TASOR2: variants seen among roughly 807,000 people sequenced by gnomAD.
TASOR2 encodes the protein transcription activation suppressor family member 2.
A neutral mutation model predicts 199.5 loss-of-function variants in TASOR2; 84 were observed. The observed-to-expected ratio is 0.42, with a 90% CI of 0.35 to 0.50. TASOR2 has a LOEUF of 0.50. Among genes scored for constraint, TASOR2 ranks in the 20% least tolerant of loss-of-function variants. The pLI, the probability that TASOR2 is intolerant of heterozygous loss-of-function variation, is 0.02. For synonymous variants in TASOR2, 1,103 were observed against 1,046.6 expected (o/e 1.05, Z -1.04); for missense variants, 2,796 against 2,835.9 (o/e 0.99, Z 0.32).
At chr10:5,743,019 AT>A (rs1836657830) in intron 14 of TASOR2, among the ~76,000 whole-genome samples, 1 of 152,252 alleles carries the variant, frequency 6.6e-6, no homozygotes, top group Non-Finnish European at 1.5e-5. Context: ...GCAAATAACT[AT>A]TTGTAAATAT....
At chr10:5,688,258 T>C (rs1013398105) in intron 1 of TASOR2, among the ~76,000 whole-genome samples, 2 of 152,212 alleles carry the variant, frequency 1.3e-5, no homozygotes, top group Non-Finnish European at 2.9e-5. Context: ...AGTGTCTTGC[T>C]CTGTCGCCCA....
Position 5,740,405 on chromosome 10 carries a change from C to G in TASOR2, c.2235C>G (p.Ile745Met). Reference sequence around the variant, plus strand: ...TTAGCTGTGATGACTCCGTTAAGATCACTTTCAAATGTGAAACAGAATATG... The same window carrying G: ...TTAGCTGTGATGACTCCGTTAAGATGACTTTCAAATGTGAAACAGAATATG... The change falls in exon 13 of 21, where the codon ATC (isoleucine) becomes ATG (methionine). Residue 745 changes from isoleucine (I) to methionine (M), a missense_variant. This residue lies in a region of TASOR2 where 847 missense variants were observed against 887.4 expected (regional missense o/e 0.95). Coordinates refer to ENST00000328090, the Ensembl canonical transcript of TASOR2. This position sits in a 1 kb window ranked among gnomAD's most constrained non-coding sequence, Gnocchi z 5.3. 1 of 1,614,174 alleles carries G rather than the reference C, an allele frequency of 6.2e-7. No individual in the cohort carries two copies. Among genetic ancestry groups the G allele is most frequent in the Non-Finnish European group, 8.5e-7 (1 of 1,180,028 alleles).
At position 5,710,247 on chromosome 10, in the gene TASOR2, G is replaced by A. The variant is rs1407306889; in HGVS notation, c.-287-2576G>A. On this transcript the variant is annotated intron_variant, in intron 1 of 20. Coordinates refer to ENST00000328090, the Ensembl canonical transcript of TASOR2. The surrounding 1 kb of genome is among the most constrained non-coding windows in gnomAD (Gnocchi z 4.6). Reference sequence around the variant, plus strand: ...GTGCTTTCTTGAGAGTGTAATTGATGTCATTATGAACCCATGAAAGATTTA... The same window carrying A: ...GTGCTTTCTTGAGAGTGTAATTGATATCATTATGAACCCATGAAAGATTTA... Among the ~76,000 whole-genome samples the A allele has an allele frequency of 6.6e-6, 1 of 152,058 alleles. No individual in the cohort carries two copies. Among genetic ancestry groups the A allele is most frequent in the Non-Finnish European group, 1.5e-5 (1 of 67,950 alleles).
At chr10:5,728,168 C>A (rs1047410520) in intron 10 of TASOR2, among the ~76,000 whole-genome samples, 1 of 149,652 alleles carries the variant, frequency 6.7e-6, no homozygotes, top group Non-Finnish European at 1.5e-5. Flanking sequence ...TTGCAGCGAG[C>A]CAAGACTGTG....
At chr10:5,733,170 A>C (rs1835071972) in intron 11 of TASOR2, among the ~76,000 whole-genome samples, 1 of 152,192 alleles carries the variant, frequency 6.6e-6, no homozygotes, top group African/African-American at 2.4e-5. Flanking sequence ...ATTTCAAAAA[A>C]AAATTATGTG....
At position 5,757,503 on chromosome 10, in the gene TASOR2, C is replaced by G; in HGVS notation, c.6733-17C>G. The G allele has an allele frequency of 6.3e-7, 1 of 1,582,978 alleles. No homozygotes were observed. Among genetic ancestry groups the G allele is most frequent in the South Asian group, 1.2e-5 (1 of 85,406 alleles). On this transcript the variant is annotated splice_polypyrimidine_tract_variant and intron_variant, in intron 16 of 20. Coordinates refer to ENST00000328090, the Ensembl canonical transcript of TASOR2. ...CAGTGAGCCTCTCTTCACCGGGGTC[C>G]TTTTTGTGTCATGCAGATTCCTTCT...
intron 1 of TASOR2, among the ~76,000 whole-genome samples, chr10:5,693,186 C>T (rs2131497106): frequency 6.6e-6 from 1 of 152,308 alleles, no homozygotes; most frequent in African/African-American, 2.4e-5. Context: ...GGCTTAACTT[C>T]ACTCCTGATT....
rs1836297178 is a variant in TASOR2 at position 5,690,476 on chromosome 10, T to C, written c.-288+5301T>C. Among the ~76,000 whole-genome samples the C allele has an allele frequency of 6.6e-6, 1 of 152,224 alleles. No individual in the cohort carries two copies. Among genetic ancestry groups the C allele is most frequent in the Non-Finnish European group, 1.5e-5 (1 of 68,044 alleles). On this transcript the variant is annotated intron_variant, in intron 1 of 20. Transcript: ENST00000328090. This position sits in a 1 kb window ranked among gnomAD's most constrained non-coding sequence, Gnocchi z 4.8. Reference sequence around the variant, plus strand: ...CTGAGGTTTGTCCAGTTGGGGCACCTACTTTACCCTTGTGCATATCCCCTA... The same window carrying C: ...CTGAGGTTTGTCCAGTTGGGGCACCCACTTTACCCTTGTGCATATCCCCTA...
chr10:5,687,247 A>C lies in TASOR2; in HGVS notation c.-288+2072A>C, dbSNP rs1835905299. Among the ~76,000 whole-genome samples the C allele has an allele frequency of 6.6e-6, 1 of 152,222 alleles. No individual in the cohort carries two copies. Among genetic ancestry groups the C allele is most frequent in the Admixed American group, 6.5e-5 (1 of 15,282 alleles). ...GAAACCTTTTGTGTGTTTCTACCCCAGGAGGAATGCGTTCCCTGCCCCCCG... is the reference window on the plus strand; with the variant it reads ...GAAACCTTTTGTGTGTTTCTACCCCCGGAGGAATGCGTTCCCTGCCCCCCG... On this transcript the variant is annotated intron_variant, in intron 1 of 20. Transcript: ENST00000328090. This position sits in a 1 kb window ranked among gnomAD's most constrained non-coding sequence, Gnocchi z 4.8.
Position 5,722,546 on chromosome 10 carries a change from A to G in TASOR2, c.147-1131A>G, listed in dbSNP as rs1324631333. Among the ~76,000 whole-genome samples, 1 of 152,168 alleles carries G rather than the reference A, an allele frequency of 6.6e-6. No homozygotes were observed. The highest frequency in any genetic ancestry group is 1.5e-5 in the Non-Finnish European group (1 of 68,022). Reference sequence around the variant, plus strand: ...GCATCAGGTTTGCATCTTACTCCCAAAAGGTTCAGAAAAAAATAATGCGTG... The same window carrying G: ...GCATCAGGTTTGCATCTTACTCCCAGAAGGTTCAGAAAAAAATAATGCGTG... On this transcript the variant is annotated intron_variant, in intron 6 of 20. Transcript: ENST00000328090. The surrounding 1 kb of genome is among the most constrained non-coding windows in gnomAD (Gnocchi z 4.0).
At chr10:5,741,355 G>C (rs1836399861) in intron 13 of TASOR2, among the ~76,000 whole-genome samples, 1 of 152,154 alleles carries the variant, frequency 6.6e-6, no homozygotes, top group African/African-American at 2.4e-5. Flanking sequence ...TTGACATTCA[G>C]CTCCCTATTA....
Position 5,720,261 on chromosome 10 carries a change from GA to G in TASOR2, c.-99-279del. The G allele has an allele frequency of 1.0e-6, 1 of 985,288 alleles. No individual in the cohort carries two copies. The highest frequency in any genetic ancestry group is 1.2e-6 in the Non-Finnish European group (1 of 829,880). 61.0% of individuals were successfully genotyped at this position (985,288 alleles called of 1,614,324 possible). On this transcript the variant is annotated intron_variant, in intron 3 of 20. Transcript: ENST00000328090. This position sits in a 1 kb window ranked among gnomAD's most constrained non-coding sequence, Gnocchi z 5.3. ...TTAGTTTTAATATTTTCATTCTAGG[GA>G]AAAGTCAAGTTTGTGTCTGAGAATT...
intron 1 of TASOR2, among the ~76,000 whole-genome samples, chr10:5,709,275 G>A (rs1408605339): frequency 2.0e-5 from 3 of 152,060 alleles, no homozygotes; most frequent in Non-Finnish European, 4.4e-5. Context: ...AGGCAAAAGC[G>A]ATTAAGCATA....
Position 5,738,359 on chromosome 10 carries a change from C to T in TASOR2, c.1448-1259C>T, listed in dbSNP as rs951909680. 6.6e-6 allele frequency among the ~76,000 whole-genome samples: 1 copy of T among 151,878 alleles called. No individual in the cohort carries two copies. Among genetic ancestry groups the T allele is most frequent in the East Asian group, 1.9e-4 (1 of 5,182 alleles). On this transcript the variant is annotated intron_variant, in intron 12 of 20. Transcript: ENST00000328090. This position sits in a 1 kb window ranked among gnomAD's most constrained non-coding sequence, Gnocchi z 4.7. ...TAATACAGTATCTTTTATATTAGGCCTTACTGGTAAGTAATATTTTGTGTA... is the reference window on the plus strand; with the variant it reads ...TAATACAGTATCTTTTATATTAGGCTTTACTGGTAAGTAATATTTTGTGTA...
intron 10 of TASOR2, among the ~76,000 whole-genome samples, chr10:5,728,015 C>T (rs10905066): frequency 2.1e-3 from 316 of 151,936 alleles, no homozygotes; most frequent in Non-Finnish European, 3.6e-3. Context: ...TGAGTTCAGG[C>T]GTTCTGAGAC....
In TASOR2 at chr10:5,748,768, T is replaced by C; in HGVS notation, c.5347T>C (p.Ser1783Pro). Residue 1783 changes from serine (S) to proline (P), a missense_variant, in exon 15 of 21, where the codon TCT becomes CCT. Transcript: ENST00000328090. This position sits in a 1 kb window ranked among gnomAD's most constrained non-coding sequence, Gnocchi z 5.1. ...CTTTGTTTCAGAATCCTTTGATACT[T>C]CTGTTTGTGGAATAGCCACAGAGCA... 1 of 1,614,180 alleles carries C rather than the reference T, an allele frequency of 6.2e-7. No homozygotes were observed. Among genetic ancestry groups the C allele is most frequent in the Non-Finnish European group, 8.5e-7 (1 of 1,180,028 alleles).
chr10:5,763,583 TGAGA>T (rs959184649), exon 21 of TASOR2: 1 of 152,232 alleles, frequency 6.6e-6, no homozygotes, highest in Non-Finnish European at 1.5e-5. Flanking sequence ...ATCAGCTTTC[TGAGA>T]AAGAAATAAT....
At chr10:5,726,929 T>C (rs1471299971) in exon 9 of TASOR2, 1 of 1,614,022 alleles carries the variant, frequency 6.2e-7, no homozygotes, top group East Asian at 2.2e-5. Flanking sequence ...TCATTTTACT[T>C]ACATCATCAG....
chr10:5,757,496 C>A, intron 16 of TASOR2, 24 bp from the exon 18 acceptor site: 1 of 1,580,242 alleles, frequency 6.3e-7, no homozygotes, highest in South Asian at 1.2e-5. Context: ...CTCTCTTCAC[C>A]GGGGTCCTTT....
Sources: gnomAD v4.1 joint callset for allele counts (sites outside exome capture counted in the v4.1 genomes callset) on GRCh38, gnomAD v4.1.1 for gene constraint, gnomAD v4.1.1 regional missense constraint, Gnocchi (gnomAD v3.1) non-coding constraint, MANE v1.5 for transcripts, NCBI Gene and HGNC (gene_info 2026-07-23, HGNC 2026-07-21) for gene names.